The following DCP2 variants were observed in gnomAD, a reference collection of about 807,000 sequenced individuals.
DCP2 encodes the protein decapping mRNA 2.
Under a neutral mutation model 56.1 loss-of-function variants are expected in DCP2, and 30 were observed. The ratio of observed to expected loss-of-function variants is 0.53; its 90% confidence interval spans 0.40 to 0.73. The LOEUF is 0.73. Among genes scored for constraint, DCP2 ranks in the 30% least tolerant of loss-of-function variants. The pLI, the probability that DCP2 is intolerant of heterozygous loss-of-function variation, is 0.00. For synonymous variants in DCP2, 197 were observed against 163.3 expected (o/e 1.21, Z -1.57); for missense variants, 533 against 502.7 (o/e 1.06, Z -0.58).
At chr5:112,985,519 G>T (rs542046818) in intron 1 of DCP2, among the ~76,000 whole-genome samples, 2 of 152,288 alleles carry the variant, frequency 1.3e-5, no homozygotes, top group Non-Finnish European at 2.9e-5. Flanking sequence ...TGGAAATGTT[G>T]CCAGACATGG....
intron 1 of DCP2, 25 bp downstream of exon 1, chr5:112,977,011 C>A: frequency 1.3e-6 from 2 of 1,486,550 alleles, no homozygotes; most frequent in Non-Finnish European, 1.8e-6. Context: ...GACCCCCTTT[C>A]GCCCCCGTCG....
At chr5:112,998,178 T>G (rs1007632644) in intron 4 of DCP2, among the ~76,000 whole-genome samples, 2 of 152,252 alleles carry the variant, frequency 1.3e-5, no homozygotes, top group Non-Finnish European at 2.9e-5. Flanking sequence ...TAGAATTGAT[T>G]GGACAGTTTG....
chr5:113,021,650 CTTTTA>C lies in DCP2; in HGVS notation c.*8172_*8176del, dbSNP rs975029544. Among the ~76,000 whole-genome samples, 2 of 152,056 alleles carry C rather than the reference CTTTTA, an allele frequency of 1.3e-5. No individual in the cohort carries two copies. The highest frequency in any genetic ancestry group is 2.9e-5 in the Non-Finnish European group (2 of 68,008). On this transcript the variant is annotated 3_prime_UTR_variant, in exon 11 of 11. Transcript: ENST00000389063. ...AGAGACCTCAGCTATATGATAGTAA[CTTTTA>C]TTTTAAATTCTCAAAAGGAGAGTGA...
intron 10 of DCP2, 68 bp downstream of exon 10, chr5:113,010,875 T>C (rs1749655826): frequency 6.7e-7 from 1 of 1,490,600 alleles, no homozygotes; most frequent in African/African-American, 1.4e-5. Flanking sequence ...CTAACTTTGA[T>C]TTTAGTGGGA....
At chr5:113,009,011 T>G (rs1034262470) in intron 9 of DCP2, among the ~76,000 whole-genome samples, 6 of 151,446 alleles carry the variant, frequency 4.0e-5, no homozygotes, top group Non-Finnish European at 7.4e-5. Context: ...CCCTGGCTAA[T>G]TTTTTTTTGT....
chr5:112,978,463 C>G (rs1490720091), intron 1 of DCP2, among the ~76,000 whole-genome samples: 1 of 152,142 alleles, frequency 6.6e-6, no homozygotes. Context: ...ACACCTATTC[C>G]TTTTTCTTTC....
chr5:113,000,257 C>T (rs1178649261), intron 4 of DCP2, among the ~76,000 whole-genome samples: 1 of 151,154 alleles, frequency 6.6e-6, no homozygotes, highest in African/African-American at 2.4e-5. Flanking sequence ...TGTGCCCAGT[C>T]CTGTTTTTTT....
chr5:113,003,057 C>A (rs993448080), intron 7 of DCP2, among the ~76,000 whole-genome samples: 4 of 152,212 alleles, frequency 2.6e-5, no homozygotes, highest in Admixed American at 6.5e-5. Context: ...GTAAGCATTT[C>A]TTAAATCAGT....
At chr5:113,004,157 C>G in intron 8 of DCP2, 80 bp downstream of exon 8, 1 of 1,490,038 alleles carries the variant, frequency 6.7e-7, no homozygotes, top group Non-Finnish European at 9.1e-7. Flanking sequence ...AGAATTACAT[C>G]TTAATAGTTA....
At chr5:112,996,263 G>A (rs533818051) in intron 4 of DCP2, among the ~76,000 whole-genome samples, 25 of 152,296 alleles carry the variant, frequency 1.6e-4, no homozygotes, top group Admixed American at 2.6e-4. Flanking sequence ...GACATTACCA[G>A]TTGTAAACCA....
chr5:112,988,882 G>C (rs1204156203), intron 2 of DCP2, among the ~76,000 whole-genome samples: 3 of 152,106 alleles, frequency 2.0e-5, no homozygotes, highest in Non-Finnish European at 2.9e-5. Context: ...ACATACTTTA[G>C]GGTTTTGGAT....
intron 1 of DCP2, among the ~76,000 whole-genome samples, chr5:112,985,107 A>T (rs550984065): frequency 1.5e-4 from 23 of 152,168 alleles, no homozygotes; most frequent in Admixed American, 6.5e-5. Context: ...CATTGGAAAA[A>T]ATAAGTGATA....
intron 1 of DCP2, among the ~76,000 whole-genome samples, chr5:112,977,839 C>G (rs920030918): frequency 2.0e-5 from 3 of 151,904 alleles, no homozygotes; most frequent in Non-Finnish European, 2.9e-5. Flanking sequence ...GTGATAACAC[C>G]TTTTCGTTCA....
chr5:113,000,420 A>ACCCACACC lies in DCP2; in HGVS notation c.433-663_433-662insCCACACCC, dbSNP rs61439631. Among the ~76,000 whole-genome samples the ACCCACACC allele has an allele frequency of 1.7e-3, 254 of 146,762 alleles. 6 individuals carry two copies. The highest frequency in any genetic ancestry group is 6.1e-3 in the African/African-American group (244 of 39,840). On this transcript the variant is annotated intron_variant, in intron 4 of 10. Coordinates refer to ENST00000389063, the MANE Select transcript of DCP2 (RefSeq NM_152624.6). Reference sequence around the variant, plus strand: ...CTAATACACACACACACACACACACACACACCCACACACCCTACCTGAGTT... The same window carrying ACCCACACC: ...CTAATACACACACACACACACACACACCCACACCCACACCCACACACCCTACCTGAGTT...
chr5:112,979,588 T>C (rs1041959136), intron 1 of DCP2, among the ~76,000 whole-genome samples: 10 of 152,244 alleles, frequency 6.6e-5, no homozygotes, highest in Non-Finnish European at 1.5e-4. Context: ...AAGTTTTCTT[T>C]TGTGTTACTT....
intron 9 of DCP2, 62 bp from the exon 10 acceptor site, chr5:113,010,691 TAAG>T (rs1299726885): frequency 7.1e-7 from 1 of 1,405,252 alleles, no homozygotes; most frequent in African/African-American, 1.5e-5. Flanking sequence ...TGATTTTTAA[TAAG>T]TGAAATAACT....
chr5:112,977,831 G>A (rs1165153995), intron 1 of DCP2, among the ~76,000 whole-genome samples: 2 of 152,114 alleles, frequency 1.3e-5, no homozygotes, highest in African/African-American at 4.8e-5. Context: ...GATTACAAGT[G>A]ATAACACCTT....
At chr5:112,983,415 T>A (rs33549) in intron 1 of DCP2, among the ~76,000 whole-genome samples, 78,118 of 151,590 alleles carry the variant, frequency 0.52, 20,890 homozygotes, top group African/African-American at 0.66. Flanking sequence ...GGTATTTTTT[T>A]AAAAAAATAG....
At chr5:112,977,799 T>G (rs577654647) in intron 1 of DCP2, among the ~76,000 whole-genome samples, 1 of 152,192 alleles carries the variant, frequency 6.6e-6, no homozygotes, top group Non-Finnish European at 1.5e-5. Context: ...CCCGGAGTTG[T>G]CGCCAAGTGT....
Sources: allele counts gnomAD v4.1 joint callset (sites outside exome capture counted in the v4.1 genomes callset), GRCh38; gene constraint gnomAD v4.1.1; transcripts MANE v1.5; gene names NCBI Gene and HGNC (gene_info 2026-07-23, HGNC 2026-07-21).